SVOPL: variants seen among roughly 807,000 people sequenced by gnomAD.
SVOPL encodes the protein putative transporter SVOPL.
In SVOPL, 60 loss-of-function variants were observed where a neutral mutation model predicts 61.0. That is an observed-to-expected ratio of 0.98 (90% CI 0.80 to 1.22). The LOEUF is 1.22. Among genes scored for constraint, SVOPL ranks in the 50% most tolerant of loss-of-function variants. The pLI is 0.00. For missense variants in SVOPL, 662 were observed against 643.9 expected (o/e 1.03, Z -0.30); for synonymous variants, 279 against 250.0 (o/e 1.12, Z -1.09).
At chr7:138,678,762 G>A (rs982019868) in intron 2 of SVOPL, among the ~76,000 whole-genome samples, 2 of 152,098 alleles carry the variant, frequency 1.3e-5, no homozygotes, top group African/African-American at 4.8e-5. Context: ...GTAGAGACGG[G>A]ATTTCACCAT....
At chr7:138,682,055 C>T (rs925362411) in intron 1 of SVOPL, among the ~76,000 whole-genome samples, 3 of 152,066 alleles carry the variant, frequency 2.0e-5, no homozygotes, top group African/African-American at 4.8e-5. Flanking sequence ...CTTTTTTGTA[C>T]AAATTGTCTG....
chr7:138,695,390 T>C (rs1214153612), intron 1 of SVOPL, among the ~76,000 whole-genome samples: 2 of 152,178 alleles, frequency 1.3e-5, no homozygotes, highest in East Asian at 3.9e-4. Flanking sequence ...AGCCCACCTG[T>C]AGTCCTCGCT....
Position 138,629,127 on chromosome 7 carries a change from A to ATATGTGTGTATGTATATG in SVOPL, c.864-765_864-764insCATATACATACACACATA, listed in dbSNP as rs1554459931. Reference sequence around the variant, plus strand: ...TCTAATATATAAGCATGTTTTATATATGTGTGTGTGTGTGTGTGTGTGTGT... The same window carrying ATATGTGTGTATGTATATG: ...TCTAATATATAAGCATGTTTTATATATATGTGTGTATGTATATGTGTGTGTGTGTGTGTGTGTGTGTGT... On this transcript the variant is annotated intron_variant, in intron 10 of 15. Transcript: ENST00000674285. Among the ~76,000 whole-genome samples the ATATGTGTGTATGTATATG allele has an allele frequency of 5.9e-3, 388 of 66,166 alleles. 3 individuals are homozygous for ATATGTGTGTATGTATATG. The highest frequency in any genetic ancestry group is 0.02 in the African/African-American group (377 of 18,804). The allele number at this position is 66,166 out of a possible 152,430, so 43.4% of individuals were successfully genotyped here. A position where few individuals can be genotyped will look rare whatever the true frequency, so the allele number is the denominator to read the frequency against.
chr7:138,596,961 T>G, intron 14 of SVOPL: 1 of 1,121,302 alleles, frequency 8.9e-7, no homozygotes, highest in African/African-American at 1.6e-5. Flanking sequence ...AGGTGAAAGT[T>G]TTTTTTGGAA....
At chr7:138,691,332 A>G (rs1050638592) in intron 1 of SVOPL, among the ~76,000 whole-genome samples, 1 of 152,208 alleles carries the variant, frequency 6.6e-6, no homozygotes, top group Non-Finnish European at 1.5e-5. Context: ...TTCAGTCTTC[A>G]GTCAACATTA....
At chr7:138,623,777 T>G (rs970289583) in intron 13 of SVOPL, among the ~76,000 whole-genome samples, 3 of 152,202 alleles carry the variant, frequency 2.0e-5, no homozygotes, top group Non-Finnish European at 4.4e-5. Flanking sequence ...TGTTTTTAAT[T>G]ATGCAAAATT....
At chr7:138,689,150 C>T (rs941162780) in intron 1 of SVOPL, 9 of 917,346 alleles carry the variant, frequency 9.8e-6, no homozygotes, top group African/African-American at 4.9e-5. Context: ...AGAAATAGTG[C>T]GTACCATTCC....
At chr7:138,663,212 C>T in intron 4 of SVOPL, 67 bp from the exon 5 acceptor site, 1 of 1,570,682 alleles carries the variant, frequency 6.4e-7, no homozygotes, top group Non-Finnish European at 8.6e-7. Context: ...CCCCGTTAGC[C>T]ATTTTCACTA....
chr7:138,687,608 G>A (rs1802848487), intron 1 of SVOPL, among the ~76,000 whole-genome samples: 1 of 150,586 alleles, frequency 6.6e-6, no homozygotes, highest in South Asian at 2.1e-4. Context: ...AGGCTGGAGT[G>A]CTACCACACT....
intron 9 of SVOPL, among the ~76,000 whole-genome samples, chr7:138,638,276 A>C (rs1343504956): frequency 1.2e-4 from 3 of 24,512 alleles, no homozygotes; most frequent in Admixed American, 7.6e-4. Context: ...CCACCTCAAA[A>C]AAAAAAAAAA....
intron 7 of SVOPL, among the ~76,000 whole-genome samples, chr7:138,649,668 G>T (rs1342777909): frequency 6.6e-6 from 1 of 152,104 alleles, no homozygotes; most frequent in African/African-American, 2.4e-5. Context: ...AGCAGTAAGG[G>T]CTGTAAGGAA....
intron 2 of SVOPL, 76 bp downstream of exon 2, chr7:138,678,887 CT>C (rs1240865957): frequency 4.8e-6 from 7 of 1,447,018 alleles, no homozygotes; most frequent in Non-Finnish European, 6.6e-6. Context: ...TTGACCTCAC[CT>C]TTTTGCATTT....
chr7:138,670,988 AATAT>A (rs1802400556), intron 4 of SVOPL, among the ~76,000 whole-genome samples: 1 of 152,246 alleles, frequency 6.6e-6, no homozygotes, highest in Non-Finnish European at 1.5e-5. Context: ...TTTAATCAGA[AATAT>A]ATAATGACTA....
At chr7:138,677,004 C>A (rs559421951) in intron 3 of SVOPL, among the ~76,000 whole-genome samples, 1 of 148,532 alleles carries the variant, frequency 6.7e-6, no homozygotes, top group Non-Finnish European at 1.5e-5. Flanking sequence ...CCCGGATTCA[C>A]GCCATTCTCC....
intron 4 of SVOPL, among the ~76,000 whole-genome samples, chr7:138,669,641 G>A (rs7796576): frequency 4.0e-5 from 6 of 151,794 alleles, no homozygotes; most frequent in Admixed American, 2.0e-4. Flanking sequence ...CCTGTAATGC[G>A]TGCCTCACTC....
chr7:138,596,957 A>C (rs779265235), intron 14 of SVOPL: 16 of 1,121,010 alleles, frequency 1.4e-5, no homozygotes, highest in Non-Finnish European at 1.7e-5. Context: ...AAACAGGTGA[A>C]AGTTTTTTTT....
At position 138,622,526 on chromosome 7, in the gene SVOPL, C is replaced by T. The variant is rs982362092; in HGVS notation, c.1264-1391G>A. Among the ~76,000 whole-genome samples, 6 of 152,002 alleles carry T rather than the reference C, an allele frequency of 3.9e-5. No individual in the cohort carries two copies. In the South Asian group the frequency reaches 6.2e-4, roughly 16 times the overall value. On this transcript the variant is annotated intron_variant, in intron 13 of 15. Transcript: ENST00000674285. Reference sequence around the variant, plus strand: ...CTCTCCAAGTTGGCCGGGTTGGTCTCGAACTCCTGACCTCAGGTGATCTGC... The same window carrying T: ...CTCTCCAAGTTGGCCGGGTTGGTCTTGAACTCCTGACCTCAGGTGATCTGC...
chr7:138,651,196 GAAGA>G (rs1450599178), intron 7 of SVOPL, among the ~76,000 whole-genome samples: 1 of 152,140 alleles, frequency 6.6e-6, no homozygotes, highest in Non-Finnish European at 1.5e-5. Flanking sequence ...GCTCGGTGTG[GAAGA>G]AAGTTTATCC....
chr7:138,693,072 C>T (rs1354269443), intron 1 of SVOPL, among the ~76,000 whole-genome samples: 1 of 152,052 alleles, frequency 6.6e-6, no homozygotes, highest in Non-Finnish European at 1.5e-5. Flanking sequence ...GGGAGAATAG[C>T]ACAAAGGAAG....
Sources: gnomAD v4.1 joint callset for allele counts (sites outside exome capture counted in the v4.1 genomes callset) on GRCh38, gnomAD v4.1.1 for gene constraint, MANE v1.5 for transcripts, NCBI Gene and HGNC (gene_info 2026-07-23, HGNC 2026-07-21) for gene names.